The following COL23A1 variants were observed in gnomAD, a reference collection of about 807,000 sequenced individuals.
The protein encoded by COL23A1 is collagen alpha-1(XXIII) chain.
Under a neutral mutation model 99.3 loss-of-function variants are expected in COL23A1, and 97 were observed. The ratio of observed to expected loss-of-function variants is 0.98; its 90% CI spans 0.83 to 1.16. COL23A1 has a LOEUF of 1.16. Ranked by LOEUF, COL23A1 falls within the 50% of genes most tolerant of loss-of-function variation. The pLI is 0.00. For synonymous variants in COL23A1, 320 were observed against 308.2 expected, an observed-to-expected ratio of 1.04 and a Z score of -0.40; for missense variants, 762 against 757.4, an observed-to-expected ratio of 1.01 and a Z score of -0.07.
At chr5:178,562,317 C>G (rs1411270468) in intron 1 of COL23A1, 2 of 231,240 alleles carry the variant, frequency 8.6e-6, no homozygotes, top group Non-Finnish European at 1.7e-5. Flanking sequence ...TACTTTGGGA[C>G]GCCGAGGCCG....
chr5:178,478,281 G>A (rs980907857), intron 2 of COL23A1, among the ~76,000 whole-genome samples: 2 of 152,200 alleles, frequency 1.3e-5, no homozygotes, highest in Non-Finnish European at 2.9e-5. Flanking sequence ...GATGCCTGGA[G>A]GGTCAGGAGA....
intron 2 of COL23A1, among the ~76,000 whole-genome samples, chr5:178,516,061 G>T (rs1444314548): frequency 6.6e-6 from 1 of 152,238 alleles, no homozygotes; most frequent in Middle Eastern, 3.4e-3. Flanking sequence ...TCACCTCCCT[G>T]GCAGATCCTG....
chr5:178,565,039 A>C lies in COL23A1; in HGVS notation c.295-4291T>G, dbSNP rs548385603. Among the ~76,000 whole-genome samples, 4 of 152,376 alleles carry C rather than the reference A, an allele frequency of 2.6e-5. No homozygotes were observed. The East Asian group carries it at 7.7e-4, about 29-fold the overall frequency. On this transcript the variant is annotated intron_variant, in intron 1 of 28. Transcript: ENST00000390654. ...GAAAGATGTGGAATCTCCTTGACGC[A>C]ACTGTCACATCAGGAAATAGGATTA...
intron 2 of COL23A1, among the ~76,000 whole-genome samples, chr5:178,431,986 C>A (rs1766290508): frequency 6.6e-6 from 1 of 152,158 alleles, no homozygotes; most frequent in Admixed American, 6.5e-5. Flanking sequence ...GGGCAAAGAA[C>A]AGAAATCCAT....
rs893705470 is a variant in COL23A1 at position 178,247,429 on chromosome 5, C to T, written c.1296+97G>A. On this transcript the variant is annotated intron_variant, in intron 22 of 28. Coordinates refer to ENST00000390654, the MANE Select transcript of COL23A1 (RefSeq NM_173465.4). ...GGGAAGACTCAGGGATGGGCCAGGG[C>T]GGAGCGTCAGGCCCTTTGCTTTGCC... The T allele has an allele frequency of 4.3e-5, 60 of 1,380,356 alleles. 1 individual carries two copies. The highest frequency in any genetic ancestry group is 8.9e-5 in the Admixed American group (5 of 56,398). 85.5% of individuals were successfully genotyped at this position (1,380,356 alleles called of 1,614,324 possible). A position where few individuals can be genotyped will look rare whatever the true frequency, so the allele number is the denominator to read the frequency against.
chr5:178,473,883 AG>A (rs1756894926), intron 2 of COL23A1, among the ~76,000 whole-genome samples: 2 of 152,356 alleles, frequency 1.3e-5, no homozygotes, highest in East Asian at 3.9e-4. Flanking sequence ...CTGAACAACC[AG>A]ACCAGATTAT....
In COL23A1 at chr5:178,514,518, G is replaced by T. The variant is rs532560524; in HGVS notation, c.361+46164C>A. Among the ~76,000 whole-genome samples the T allele has an allele frequency of 7.9e-5, 12 of 152,300 alleles. No individual in the cohort carries two copies. The South Asian group carries it at 2.5e-3, about 32-fold the overall frequency. ...CCATAGTGGCTGCTCCATTTTGTATGTGGAAGCCCAGCAATCTGAATCCAC... is the reference window on the plus strand; with the variant it reads ...CCATAGTGGCTGCTCCATTTTGTATTTGGAAGCCCAGCAATCTGAATCCAC... On this transcript the variant is annotated intron_variant, in intron 2 of 28. Transcript: ENST00000390654.
intron 6 of COL23A1, among the ~76,000 whole-genome samples, chr5:178,269,343 C>G (rs1307577514): frequency 5.0e-4 from 28 of 55,740 alleles, no homozygotes; most frequent in Non-Finnish European, 1.2e-3. Flanking sequence ...ATCCATCCAT[C>G]CATCCACCCA....
rs1223542330 is a variant in COL23A1, at chr5:178,523,201, T to TATATATATAGAG, written c.361+37480_361+37481insCTCTATATATAT. ...ATACACATATATATATATATATATA[T>TATATATATAGAG]AGAGAGAGAGAGAGAGAGAGAGAGA... On this transcript the variant is annotated intron_variant, in intron 2 of 28. Coordinates refer to ENST00000390654, the MANE Select transcript of COL23A1 (RefSeq NM_173465.4). Among the ~76,000 whole-genome samples, 544 of 77,464 alleles carry TATATATATAGAG rather than the reference T, an allele frequency of 7.0e-3. 2 individuals carry two copies. Among genetic ancestry groups the TATATATATAGAG allele is most frequent in the Middle Eastern group, 0.022 (3 of 134 alleles). 50.8% of individuals were successfully genotyped at this position (77,464 alleles called of 152,430 possible). A position where few individuals can be genotyped will look rare whatever the true frequency, so the allele number is the denominator to read the frequency against.
At chr5:178,578,632 A>G (rs1763512075) in intron 1 of COL23A1, among the ~76,000 whole-genome samples, 1 of 152,172 alleles carries the variant, frequency 6.6e-6, no homozygotes. Flanking sequence ...AGAAGTTGCC[A>G]TTACCCATTT....
chr5:178,476,746 A>T (rs1181078288), intron 2 of COL23A1, among the ~76,000 whole-genome samples: 2 of 152,236 alleles, frequency 1.3e-5, no homozygotes, highest in African/African-American at 4.8e-5. Flanking sequence ...GCCAGATCAG[A>T]GACAGTGCCA....
intron 2 of COL23A1, among the ~76,000 whole-genome samples, chr5:178,343,663 A>ATATTT (rs1554141722): frequency 7.1e-4 from 95 of 134,372 alleles, no homozygotes; most frequent in African/African-American, 2.2e-3. Context: ...ATATATATAT[A>ATATTT]TTTTTTTTTT....
chr5:178,538,340 C>T (rs958606838), intron 2 of COL23A1, among the ~76,000 whole-genome samples: 1 of 152,142 alleles, frequency 6.6e-6, no homozygotes, highest in African/African-American at 2.4e-5. Context: ...TTGTCAGGGA[C>T]CCACGCTTTT....
intron 2 of COL23A1, among the ~76,000 whole-genome samples, chr5:178,454,012 T>G (rs184007399): frequency 2.4e-4 from 36 of 152,218 alleles, no homozygotes; most frequent in African/African-American, 8.4e-4. Flanking sequence ...AATATCACAC[T>G]CTTAAAAAAA....
chr5:178,357,810 GTGTGTATGTGTGTTTA>G (rs1232266756), intron 2 of COL23A1, among the ~76,000 whole-genome samples: 1 of 150,880 alleles, frequency 6.6e-6, no homozygotes, highest in African/African-American at 2.4e-5. Context: ...GTGTGTGTAT[GTGTGTATGTGTGTTTA>G]TGTGTATGTG....
intron 2 of COL23A1, among the ~76,000 whole-genome samples, chr5:178,403,099 A>G: frequency 7.7e-6 from 1 of 130,192 alleles, no homozygotes; most frequent in South Asian, 2.9e-4. Flanking sequence ...ACAGAGAGAG[A>G]CTCCATCTCA....
Position 178,309,085 on chromosome 5 carries a change from T to C in COL23A1, c.362-2166A>G, listed in dbSNP as rs1758525150. Among the ~76,000 whole-genome samples, 1 of 152,152 alleles carries C rather than the reference T, an allele frequency of 6.6e-6. No individual in the cohort carries two copies. Among genetic ancestry groups the C allele is most frequent in the East Asian group, 1.9e-4 (1 of 5,188 alleles). ...AATGGGGGAAGTAGCCAGACTCTGC[T>C]AGATCCGAAGCAATGCAGCACTGTG... is the stretch of plus-strand genomic sequence containing the variant. On this transcript the variant is annotated intron_variant, in intron 2 of 28. Transcript: ENST00000390654. The surrounding 1 kb of genome is among the most constrained non-coding windows in gnomAD (Gnocchi z 4.7).
chr5:178,367,583 G>C (rs972157904), intron 2 of COL23A1, among the ~76,000 whole-genome samples: 1 of 152,160 alleles, frequency 6.6e-6, no homozygotes, highest in Non-Finnish European at 1.5e-5. Flanking sequence ...TGTACGAGCC[G>C]GGAGCCCTGA....
At chr5:178,529,740 A>C (rs889864938) in intron 2 of COL23A1, among the ~76,000 whole-genome samples, 3 of 152,012 alleles carry the variant, frequency 2.0e-5, no homozygotes, top group Admixed American at 2.0e-4. Context: ...CCCCAGCGAA[A>C]CTACACATCT....
Sources: gnomAD v4.1 joint callset for allele counts (sites outside exome capture counted in the v4.1 genomes callset) on GRCh38, gnomAD v4.1.1 for gene constraint, Gnocchi (gnomAD v3.1) non-coding constraint, MANE v1.5 for transcripts, NCBI Gene and HGNC (gene_info 2026-07-23, HGNC 2026-07-21) for gene names.